DGKB: variants seen among roughly 807,000 people sequenced by gnomAD.
DGKB encodes the protein diacylglycerol kinase beta, also known as 90 kDa diacylglycerol kinase.
DGKB carries 67 observed loss-of-function variants against 114.3 expected under a neutral mutation model. The ratio of observed to expected loss-of-function variants is 0.59; its 90% CI spans 0.48 to 0.72. The LOEUF (loss-of-function observed/expected upper bound fraction) is 0.72. Ranked by LOEUF, DGKB falls within the 30% of genes least tolerant of loss-of-function variation. The pLI, the probability that DGKB is intolerant of heterozygous loss-of-function variation, is 0.00. For missense variants in DGKB, 907 were observed against 975.2 expected (o/e 0.93, Z 0.93); for synonymous variants, 398 against 323.1 (o/e 1.23, Z -2.49).
intron 25 of DGKB, among the ~76,000 whole-genome samples, chr7:14,157,166 A>G (rs1783140734): frequency 6.6e-6 from 1 of 152,142 alleles, no homozygotes; most frequent in African/African-American, 2.4e-5. Context: ...AGTAGAGCTT[A>G]ATTTAGCAAT....
intron 23 of DGKB, among the ~76,000 whole-genome samples, chr7:14,323,017 A>T (rs960032248): frequency 2.6e-5 from 4 of 152,180 alleles, no homozygotes; most frequent in Non-Finnish European, 4.4e-5. Flanking sequence ...GAACATGCAC[A>T]TACCTTATGA....
chr7:14,345,495 G>A lies in DGKB; in HGVS notation c.1836-104C>T. 7 of 603,446 alleles carry A rather than the reference G, an allele frequency of 1.2e-5. No homozygotes were observed. The South Asian group carries it at 1.5e-4, about 13-fold the overall frequency. The allele number at this position is 603,446 out of a possible 1,614,324, so 37.4% of individuals were successfully genotyped here. On this transcript the variant is annotated intron_variant, in intron 21 of 25. Transcript: ENST00000402815. ...TTGTGTTATAATAGAAAAGGTCTGAGGACATGTGACATCTAAAATGTAATA... is the reference window on the plus strand; with the variant it reads ...TTGTGTTATAATAGAAAAGGTCTGAAGACATGTGACATCTAAAATGTAATA...
At chr7:14,807,610 T>C (rs1159975702) in intron 2 of DGKB, among the ~76,000 whole-genome samples, 1 of 152,006 alleles carries the variant, frequency 6.6e-6, no homozygotes, top group African/African-American at 2.4e-5. Flanking sequence ...TCACAAGTGA[T>C]ATAAAACGAC....
At chr7:14,489,934 G>C (rs943131863) in intron 20 of DGKB, among the ~76,000 whole-genome samples, 2 of 152,142 alleles carry the variant, frequency 1.3e-5, no homozygotes, top group African/African-American at 4.8e-5. Flanking sequence ...AGAGAGAAGG[G>C]AGCTGGATAG....
At chr7:14,245,200 C>A (rs1408441867) in intron 23 of DGKB, among the ~76,000 whole-genome samples, 1 of 152,008 alleles carries the variant, frequency 6.6e-6, no homozygotes, top group Non-Finnish European at 1.5e-5. Context: ...AAAACACACA[C>A]TGTGCTAAAC....
chr7:14,536,838 A>G (rs1358403286), intron 20 of DGKB, among the ~76,000 whole-genome samples: 2 of 111,230 alleles, frequency 1.8e-5, no homozygotes, highest in Admixed American at 9.8e-5. Flanking sequence ...CAATTAAGAA[A>G]GGAAAAAAAC....
rs1003902479 is a variant in DGKB, at chr7:14,145,910, C to A, written c.*3221G>T. The A allele has an allele frequency of 6.6e-6, 1 of 152,138 alleles. No homozygotes were observed. Among genetic ancestry groups the A allele is most frequent in the Admixed American group, 6.5e-5 (1 of 15,274 alleles). The allele number at this position is 152,138 out of a possible 1,614,324, so 9.4% of individuals were successfully genotyped here. On this transcript the variant is annotated 3_prime_UTR_variant, in exon 26 of 26. Coordinates refer to ENST00000402815, the MANE Select transcript of DGKB (RefSeq NM_001350709.2). ...AAACATATTCTTCCCTGAAAAATTG[C>A]AACTACTTCCCATATGCCTAAAAAA...
chr7:14,409,862 G>A (rs1290781701), intron 21 of DGKB, among the ~76,000 whole-genome samples: 1 of 151,822 alleles, frequency 6.6e-6, no homozygotes, highest in African/African-American at 2.4e-5. Context: ...TCCTCCTTAT[G>A]ATTTTCTTAA....
intron 25 of DGKB, among the ~76,000 whole-genome samples, chr7:14,172,642 A>G (rs539033970): frequency 6.6e-6 from 1 of 152,220 alleles, no homozygotes; most frequent in South Asian, 2.1e-4. Flanking sequence ...CATCTGGGGA[A>G]GGAGAGATAT....
chr7:14,839,964 T>A (rs1045726429), intron 2 of DGKB, among the ~76,000 whole-genome samples: 1 of 152,160 alleles, frequency 6.6e-6, no homozygotes, highest in Non-Finnish European at 1.5e-5. Context: ...TCTTTTCAGA[T>A]AATATACATG....
intron 23 of DGKB, among the ~76,000 whole-genome samples, chr7:14,321,863 C>A (rs767958015): frequency 7.2e-5 from 11 of 151,878 alleles, no homozygotes; most frequent in Non-Finnish European, 1.2e-4. Flanking sequence ...AGTTATAAAC[C>A]ATTATAAGAA....
chr7:14,413,374 G>A (rs971211169), intron 21 of DGKB, among the ~76,000 whole-genome samples: 3 of 152,084 alleles, frequency 2.0e-5, no homozygotes, highest in African/African-American at 7.2e-5. Flanking sequence ...TAATTTTGAG[G>A]GGGACAGTCA....
chr7:14,171,428 C>G (rs1384566424), intron 25 of DGKB, among the ~76,000 whole-genome samples: 3 of 152,154 alleles, frequency 2.0e-5, no homozygotes, highest in Non-Finnish European at 4.4e-5. Context: ...GTTGGCACTA[C>G]TTTTCATAAA....
At chr7:14,636,318 C>T (rs1008457548) in intron 13 of DGKB, among the ~76,000 whole-genome samples, 1 of 151,730 alleles carries the variant, frequency 6.6e-6, no homozygotes, top group Non-Finnish European at 1.5e-5. Context: ...CAGAATGATG[C>T]AGAACCTTTC....
At chr7:14,150,208 C>A (rs947038120) in intron 25 of DGKB, among the ~76,000 whole-genome samples, 2 of 152,110 alleles carry the variant, frequency 1.3e-5, no homozygotes, top group African/African-American at 4.8e-5. Flanking sequence ...GCGACTAATA[C>A]AAGAACCATC....
chr7:14,665,848 A>T (rs574117321), intron 13 of DGKB, among the ~76,000 whole-genome samples: 5 of 152,150 alleles, frequency 3.3e-5, no homozygotes, highest in African/African-American at 9.6e-5. Flanking sequence ...ATTCTAGAGA[A>T]ATTGATCAGA....
At chr7:14,403,778 G>A (rs181498187) in intron 21 of DGKB, among the ~76,000 whole-genome samples, 108 of 151,892 alleles carry the variant, frequency 7.1e-4, no homozygotes, top group African/African-American at 2.5e-3. Context: ...CCTTTGATGA[G>A]GACTGTTATT....
chr7:14,149,572 G>T (rs1365456732), intron 25 of DGKB, among the ~76,000 whole-genome samples: 2 of 151,986 alleles, frequency 1.3e-5, no homozygotes, highest in East Asian at 1.9e-4. Context: ...ATTATTTCTT[G>T]ACCATTAGTT....
intron 1 of DGKB, among the ~76,000 whole-genome samples, chr7:14,951,521 A>G (rs905058382): frequency 6.6e-6 from 1 of 152,030 alleles, no homozygotes; most frequent in African/African-American, 2.4e-5. Context: ...AAAGAGATGA[A>G]CAATCGAGGC....
Sources: gnomAD v4.1 joint callset for allele counts (sites outside exome capture counted in the v4.1 genomes callset) on GRCh38, gnomAD v4.1.1 for gene constraint, MANE v1.5 for transcripts, NCBI Gene and HGNC (gene_info 2026-07-23, HGNC 2026-07-21) for gene names.